Variants in NHSL2 observed in about 807,000 individuals in gnomAD.
NHSL2 encodes NHS-like protein 2.
In NHSL2, 27 loss-of-function variants were observed where a neutral mutation model predicts 53.4. The observed-to-expected ratio is 0.51, with a 90% CI of 0.37 to 0.70. The LOEUF (loss-of-function observed/expected upper bound fraction) is 0.70, where lower values mean the gene tolerates loss of function less well. NHSL2 is among the 30% of genes least tolerant of loss of function. The probability of loss-of-function intolerance (pLI) is 0.00; values close to 1 mark genes in which losing one functional copy is unlikely to be tolerated. For missense variants in NHSL2, 892 were observed against 980.1 expected (o/e 0.91, Z 1.20); for synonymous variants, 408 against 404.1 (o/e 1.01, Z -0.12).
intron 1 of NHSL2, among the ~76,000 whole-genome samples, chrX:72,113,656 A>G (rs1430991996): frequency 8.9e-6 from 1 of 112,236 alleles, no homozygotes. Context: ...CGCCTACCAT[A>G]CACCTGCAAA....
intron 1 of NHSL2, among the ~76,000 whole-genome samples, chrX:72,032,683 A>G (rs2042221496): frequency 9.1e-6 from 1 of 110,455 alleles, no homozygotes; most frequent in Non-Finnish European, 1.9e-5. Flanking sequence ...ACATGGTGAA[A>G]CCTCATCTCT....
At chrX:71,981,858 A>G (rs757753416) in intron 1 of NHSL2, among the ~76,000 whole-genome samples, 3 of 112,243 alleles carry the variant, frequency 2.7e-5, no homozygotes, top group Admixed American at 9.5e-5. Flanking sequence ...GGAAATCTCA[A>G]ATACCACTGG....
At chrX:72,018,585 C>T (rs1162638058) in intron 1 of NHSL2, among the ~76,000 whole-genome samples, 2 of 112,859 alleles carry the variant, frequency 1.8e-5, no homozygotes, top group Non-Finnish European at 3.8e-5. Flanking sequence ...CTCGGCCAGT[C>T]ACCAGGCGCG....
rs766800755 is a variant in NHSL2, at chrX:72,140,659, C to A, written c.3111C>A (p.Ile1037=). 3.3e-6 allele frequency: 4 copies of A among 1,211,725 alleles called. No individual in the cohort carries two copies. The highest frequency in any genetic ancestry group is 4.5e-6 in the Non-Finnish European group (4 of 895,040). Reference sequence around the variant, plus strand: ...CAAGGCTGCCTCTCAGCCCCATCATCACCCTGGAGGAAGACACCAAGTGTC... The same window carrying A: ...CAAGGCTGCCTCTCAGCCCCATCATAACCCTGGAGGAAGACACCAAGTGTC... The part of the protein sequence containing the change: ...AEPRLPLSPI[I]TLEEDTKCPA... Residue 1037 remains isoleucine, a synonymous_variant, in exon 6 of 8, where the codon ATC becomes ATA. Transcript: ENST00000633930.
At chrX:71,911,765 C>G (rs930107978) in intron 1 of NHSL2, among the ~76,000 whole-genome samples, 31 of 113,159 alleles carry the variant, frequency 2.7e-4, no homozygotes, top group Middle Eastern at 4.7e-3. Flanking sequence ...ATGGCCGAGC[C>G]GCTGGCTTCT....
In NHSL2 at chrX:71,942,947, G is replaced by GCTCT. The variant is rs767412870; in HGVS notation, c.280+31603_280+31606dup. Among the ~76,000 whole-genome samples the GCTCT allele has an allele frequency of 8.9e-4, 64 of 72,196 alleles. 1 individual carries two copies. Among genetic ancestry groups the GCTCT allele is most frequent in the Non-Finnish European group, 1.2e-3 (43 of 37,020 alleles). The allele number at this position is 72,196 out of a possible 115,157, so 62.7% of individuals were successfully genotyped here. A position where few individuals can be genotyped will look rare whatever the true frequency, so the allele number is the denominator to read the frequency against. ...CCTAGTCTTTGTCGAGGGCTCTAAT[G>GCTCT]CTCTCTCTCTCTCTCTCTCTCTCTC... is the stretch of plus-strand genomic sequence containing the variant. On this transcript the variant is annotated intron_variant, in intron 1 of 7. Transcript: ENST00000633930.
chrX:72,088,743 C>T (rs2041871800), intron 1 of NHSL2, among the ~76,000 whole-genome samples: 2 of 111,744 alleles, frequency 1.8e-5, no homozygotes, highest in Admixed American at 1.9e-4. Context: ...AACAGGGAGA[C>T]CTTGTTTCAA....
At chrX:72,123,066 C>T (rs755599137) in intron 1 of NHSL2, among the ~76,000 whole-genome samples, 1 of 111,906 alleles carries the variant, frequency 8.9e-6, no homozygotes, top group Non-Finnish European at 1.9e-5. Flanking sequence ...AGGGGCTTGT[C>T]TGGGGAGTGG....
chrX:72,118,289 CTG>C (rs2042156272), intron 1 of NHSL2, among the ~76,000 whole-genome samples: 1 of 112,160 alleles, frequency 8.9e-6, no homozygotes, highest in Non-Finnish European at 1.9e-5. Context: ...TGAGAAATGT[CTG>C]TTCAGATCCT....
intron 1 of NHSL2, among the ~76,000 whole-genome samples, chrX:72,021,680 T>C (rs2042161314): frequency 9.0e-6 from 1 of 111,382 alleles, no homozygotes; most frequent in Non-Finnish European, 1.9e-5. Context: ...AAGATGAAGA[T>C]TGGGTGACTT....
chrX:72,144,210 C>G lies in NHSL2; in HGVS notation c.*636C>G. The G allele has an allele frequency of 6.4e-6, 1 of 155,843 alleles. No homozygotes were observed. Among genetic ancestry groups the G allele is most frequent in the Non-Finnish European group, 1.2e-5 (1 of 80,821 alleles). 12.8% of individuals were successfully genotyped at this position (155,843 alleles called of 1,213,427 possible). ...TTAATGCCTTTTTCAGTTTGATTGT[C>G]TACATGGAGATCAGGGTGATAAGTT... On this transcript the variant is annotated 3_prime_UTR_variant, in exon 8 of 8. Coordinates refer to ENST00000633930, the MANE Select transcript of NHSL2 (RefSeq NM_001013627.3).
chrX:72,055,055 A>G (rs1004334203), intron 1 of NHSL2, among the ~76,000 whole-genome samples: 1 of 111,421 alleles, frequency 9.0e-6, no homozygotes, highest in Admixed American at 9.5e-5. Flanking sequence ...AAGCGGGGAG[A>G]GAAAGAGAAA....
chrX:71,916,938 A>G (rs954765052), intron 1 of NHSL2, among the ~76,000 whole-genome samples: 1 of 111,688 alleles, frequency 9.0e-6, no homozygotes, highest in African/African-American at 3.3e-5. Context: ...ATGGTCCTCT[A>G]GAGTCCTCTA....
Position 72,034,230 on chromosome X carries a change from A to G in NHSL2, c.281-97849A>G, listed in dbSNP as rs114410860. Among the ~76,000 whole-genome samples, 420 of 112,101 alleles carry G rather than the reference A, an allele frequency of 3.7e-3. 1 individual carries two copies. Among genetic ancestry groups the G allele is most frequent in the African/African-American group, 0.013 (408 of 30,876 alleles). ...AGTAGATTACATTGATTTTTCAAAT[A>G]TTGGGTAAGCCTTGCATTCTTGGAA... On this transcript the variant is annotated intron_variant, in intron 1 of 7. Coordinates refer to ENST00000633930, the MANE Select transcript of NHSL2 (RefSeq NM_001013627.3).
chrX:72,039,426 C>T (rs2147918156), intron 1 of NHSL2, among the ~76,000 whole-genome samples: 1 of 111,671 alleles, frequency 9.0e-6, no homozygotes, highest in East Asian at 2.8e-4. Flanking sequence ...TCCAGTTTTT[C>T]CCTGTTTATA....
At chrX:72,028,295 C>T (rs1347840286) in intron 1 of NHSL2, among the ~76,000 whole-genome samples, 1 of 112,362 alleles carries the variant, frequency 8.9e-6, no homozygotes, top group Non-Finnish European at 1.9e-5. Flanking sequence ...CTTAATGCTA[C>T]TCAGCTGAAA....
At chrX:72,077,241 A>G in intron 1 of NHSL2, among the ~76,000 whole-genome samples, 1 of 106,912 alleles carries the variant, frequency 9.4e-6, no homozygotes, top group East Asian at 2.9e-4. Flanking sequence ...AGCTCTTCAC[A>G]CTCCCCCCAC....
intron 1 of NHSL2, among the ~76,000 whole-genome samples, chrX:72,013,005 G>C (rs1018476823): frequency 2.7e-5 from 3 of 112,197 alleles, no homozygotes; most frequent in Admixed American, 9.4e-5. Context: ...TTTCAAAATT[G>C]TTTTGGCTAT....
intron 1 of NHSL2, among the ~76,000 whole-genome samples, chrX:72,021,092 T>C (rs1434479874): frequency 1.8e-5 from 2 of 110,907 alleles, no homozygotes; most frequent in Non-Finnish European, 3.8e-5. Flanking sequence ...CACACACAAA[T>C]ATTGAGGACT....
Sources: gnomAD v4.1 joint callset for allele counts (sites outside exome capture counted in the v4.1 genomes callset) on GRCh38, gnomAD v4.1.1 for gene constraint, MANE v1.5 for transcripts, NCBI Gene and HGNC (gene_info 2026-07-23, HGNC 2026-07-21) for gene names.